Variants in PPME1 observed in about 807,000 individuals in gnomAD.
PPME1 encodes protein phosphatase methylesterase 1.
Under a neutral mutation model 56.9 loss-of-function variants are expected in PPME1, and 17 were observed. The ratio of observed to expected loss-of-function variants is 0.30; its 90% CI spans 0.20 to 0.45. PPME1 has a LOEUF of 0.45. Ranked by LOEUF, PPME1 falls within the 20% of genes least tolerant of loss-of-function variation. The pLI is 1.00. For missense variants in PPME1, 357 were observed against 483.2 expected, an observed-to-expected ratio of 0.74 and a Z score of 2.45; for synonymous variants, 122 against 156.2, an observed-to-expected ratio of 0.78 and a Z score of 1.63.
intron 7 of PPME1, among the ~76,000 whole-genome samples, chr11:74,231,608 A>G (rs994583251): frequency 6.6e-6 from 1 of 152,200 alleles, no homozygotes; most frequent in Non-Finnish European, 1.5e-5. Context: ...CCAATACACT[A>G]TAGTACCTCC....
chr11:74,201,015 A>G (rs1048266801), intron 1 of PPME1, among the ~76,000 whole-genome samples: 1 of 151,034 alleles, frequency 6.6e-6, no homozygotes, highest in Non-Finnish European at 1.5e-5. Context: ...TCGCTCTGTA[A>G]CCCAAGCTGG....
At chr11:74,176,840 C>T (rs1857412277) in intron 1 of PPME1, among the ~76,000 whole-genome samples, 1 of 150,282 alleles carries the variant, frequency 6.7e-6, no homozygotes, top group Non-Finnish European at 1.5e-5. Flanking sequence ...AGGCGATTCT[C>T]CTGCTTCAGC....
Position 74,175,921 on chromosome 11 carries a change from A to G in PPME1, c.101+4399A>G, listed in dbSNP as rs193044267. ...GTATTTTTAGTCCATTGTTCTTTCT[A>G]TAGCTTGCATTGAAGGGTTTGATAT... On this transcript the variant is annotated intron_variant, in intron 1 of 13. Coordinates refer to ENST00000328257, the MANE Select transcript of PPME1 (RefSeq NM_016147.3). 5.3e-5 allele frequency among the ~76,000 whole-genome samples: 8 copies of G among 152,330 alleles called. No individual in the cohort carries two copies. The East Asian group carries it at 1.5e-3, about 29-fold the overall frequency.
At chr11:74,222,579 C>G in intron 4 of PPME1, 1 of 494,332 alleles carries the variant, frequency 2.0e-6, no homozygotes, top group South Asian at 2.2e-5. Context: ...ACCTCTGCCT[C>G]CTGGGTTCAA....
At chr11:74,233,357 AT>A (rs1471063324) in intron 7 of PPME1, among the ~76,000 whole-genome samples, 1 of 152,052 alleles carries the variant, frequency 6.6e-6, no homozygotes, top group Non-Finnish European at 1.5e-5. Flanking sequence ...GTATTTGGTA[AT>A]TTTGTTTTTT....
At chr11:74,197,273 A>G (rs1858009600) in intron 1 of PPME1, among the ~76,000 whole-genome samples, 1 of 152,246 alleles carries the variant, frequency 6.6e-6, no homozygotes, top group Non-Finnish European at 1.5e-5. Flanking sequence ...ATGCACATTA[A>G]TTCACTTCAG....
Position 74,209,889 on chromosome 11 carries a change from G to T in PPME1, c.288+5444G>T, listed in dbSNP as rs562762387. Among the ~76,000 whole-genome samples the T allele has an allele frequency of 9.3e-4, 142 of 152,248 alleles. 3 individuals are homozygous for T. In the South Asian group the frequency reaches 0.013, roughly 14 times the overall value. ...ATGATAATATAGGAAAACTAAGCCAGTGTCTCTTATAAAATAGATACAGAA... is the reference window on the plus strand; with the variant it reads ...ATGATAATATAGGAAAACTAAGCCATTGTCTCTTATAAAATAGATACAGAA... On this transcript the variant is annotated intron_variant, in intron 3 of 13. Coordinates refer to ENST00000328257, the MANE Select transcript of PPME1 (RefSeq NM_016147.3).
intron 8 of PPME1, among the ~76,000 whole-genome samples, chr11:74,236,260 A>T (rs980905356): frequency 6.6e-6 from 1 of 152,158 alleles, no homozygotes; most frequent in South Asian, 2.1e-4. Flanking sequence ...ATTACAAATT[A>T]TGTTAACCTT....
At chr11:74,193,868 A>G (rs1857909426) in intron 1 of PPME1, among the ~76,000 whole-genome samples, 1 of 152,060 alleles carries the variant, frequency 6.6e-6, no homozygotes, top group East Asian at 1.9e-4. Flanking sequence ...ATTGTATTTG[A>G]TAATTTCTTT....
intron 1 of PPME1, among the ~76,000 whole-genome samples, chr11:74,172,611 A>G (rs1330063071): frequency 6.6e-6 from 1 of 152,192 alleles, no homozygotes; most frequent in Non-Finnish European, 1.5e-5. Context: ...AGGTTAGGGG[A>G]TACTTGGGCC....
chr11:74,214,736 T>C (rs1243643130), intron 3 of PPME1, among the ~76,000 whole-genome samples: 2 of 150,748 alleles, frequency 1.3e-5, no homozygotes, highest in Non-Finnish European at 2.9e-5. Flanking sequence ...AGTCAAAATA[T>C]CCTTCAAACA....
chr11:74,208,332 ACTTTACT>A (rs1216459076), intron 3 of PPME1, among the ~76,000 whole-genome samples: 2 of 150,954 alleles, frequency 1.3e-5, no homozygotes, highest in African/African-American at 2.4e-5. Context: ...AAAAAAAGAG[ACTTTACT>A]CTTTAATAAG....
At chr11:74,189,775 A>C (rs1220606774) in intron 1 of PPME1, among the ~76,000 whole-genome samples, 1 of 152,150 alleles carries the variant, frequency 6.6e-6, no homozygotes, top group African/African-American at 2.4e-5. Flanking sequence ...TTCTCTTTCA[A>C]ATAGTGCTGA....
At chr11:74,226,909 A>G (rs2135656677) in intron 5 of PPME1, among the ~76,000 whole-genome samples, 1 of 152,154 alleles carries the variant, frequency 6.6e-6, no homozygotes, top group Middle Eastern at 3.4e-3. Flanking sequence ...AGCAGCCACT[A>G]CTCCCTTGGG....
chr11:74,239,013 C>T, intron 8 of PPME1, 120 bp from the exon 9 acceptor site: 1 of 977,598 alleles, frequency 1.0e-6, no homozygotes, highest in Non-Finnish European at 1.5e-6. Flanking sequence ...ATCCTCCTAC[C>T]AGGATGATTG....
intron 1 of PPME1, among the ~76,000 whole-genome samples, chr11:74,184,938 G>T (rs1450247385): frequency 4.0e-5 from 6 of 149,344 alleles, no homozygotes. Flanking sequence ...CTGGAAAGAA[G>T]CTCTGAAATG....
chr11:74,220,260 A>G (rs927819042), intron 3 of PPME1, among the ~76,000 whole-genome samples: 1 of 152,162 alleles, frequency 6.6e-6, no homozygotes, highest in Admixed American at 6.5e-5. Flanking sequence ...TATCTGAGAT[A>G]ATCTGGTGAA....
intron 5 of PPME1, among the ~76,000 whole-genome samples, chr11:74,227,339 CA>C (rs1408602911): frequency 1.3e-5 from 2 of 151,568 alleles, no homozygotes; most frequent in East Asian, 3.9e-4. Flanking sequence ...TAACTGGCAC[CA>C]AAAAAATTTT....
chr11:74,241,949 A>G (rs1384386009), intron 9 of PPME1, among the ~76,000 whole-genome samples: 1 of 152,166 alleles, frequency 6.6e-6, no homozygotes, highest in East Asian at 1.9e-4. Context: ...TCTTGATGGC[A>G]TTCTTAGAAG....
Sources: allele counts gnomAD v4.1 joint callset (sites outside exome capture counted in the v4.1 genomes callset), GRCh38; gene constraint gnomAD v4.1.1; transcripts MANE v1.5; gene names NCBI Gene and HGNC (gene_info 2026-07-23, HGNC 2026-07-21).